ZNF488: variants seen among roughly 807,000 people sequenced by gnomAD.
ZNF488 encodes the protein zinc finger protein 488.
A neutral mutation model predicts 1.2 loss-of-function variants in ZNF488; 1 was observed. The ratio of observed to expected loss-of-function variants is 0.86; its 90% confidence interval spans 0.30 to 4.07. The LOEUF (loss-of-function observed/expected upper bound fraction) is 4.07, where lower values mean the gene tolerates loss of function less well. Ranked by LOEUF, ZNF488 falls within the 30% of genes most tolerant of loss-of-function variation. ZNF488 has a pLI of 0.18. For synonymous variants in ZNF488, 185 were observed against 190.1 expected, an observed-to-expected ratio of 0.97 and a Z score of 0.22; for missense variants, 450 against 437.9, an observed-to-expected ratio of 1.03 and a Z score of -0.25.
Position 47,368,331 on chromosome 10 carries a change from T to C in ZNF488, c.499A>G (p.Thr167Ala). The C allele has an allele frequency of 6.2e-7, 1 of 1,614,114 alleles. No individual in the cohort carries two copies. The highest frequency in any genetic ancestry group is 8.5e-7 in the Non-Finnish European group (1 of 1,180,006). The change falls in exon 2 of 2, where the codon ACC (threonine) becomes GCC (alanine). Residue 167 changes from threonine (T) to alanine (A), a missense_variant. Coordinates refer to ENST00000585316, the MANE Select transcript of ZNF488 (RefSeq NM_153034.4). ...SEQRSAFSKPTKRPAERPELT... is the reference protein window; with the variant it reads ...SEQRSAFSKPAKRPAERPELT... ...TCAGGCCTCTCTGCTGGTCGCTTGG[T>C]TGGTTTGCTAAAGGCGCTTCTTTGC...
At position 47,381,632 on chromosome 10, in the gene ZNF488, G is replaced by A. The variant is rs372759784; in HGVS notation, c.-109+2588C>T. On this transcript the variant is annotated intron_variant, in intron 1 of 1. Coordinates refer to ENST00000585316, the MANE Select transcript of ZNF488 (RefSeq NM_153034.4). ...TCTAGCAGCAATGCCTGCTGCATTCGAGGAAAGCCAAGTGCAGGAGACTGC... is the reference window on the plus strand; with the variant it reads ...TCTAGCAGCAATGCCTGCTGCATTCAAGGAAAGCCAAGTGCAGGAGACTGC... 5.3e-3 allele frequency among the ~76,000 whole-genome samples: 732 copies of A among 137,358 alleles called. 4 individuals are homozygous for A. Among genetic ancestry groups the A allele is most frequent in the African/African-American group, 0.017 (654 of 38,416 alleles). 90.1% of individuals were successfully genotyped at this position (137,358 alleles called of 152,430 possible).
At chr10:47,375,340 C>T (rs1837639398) in intron 1 of ZNF488, among the ~76,000 whole-genome samples, 1 of 152,222 alleles carries the variant, frequency 6.6e-6, no homozygotes. Flanking sequence ...GCTGCTCCAC[C>T]TGCCGGTGCG....
At chr10:47,371,462 A>G (rs1837462761) in intron 1 of ZNF488, among the ~76,000 whole-genome samples, 1 of 152,220 alleles carries the variant, frequency 6.6e-6, no homozygotes, top group African/African-American at 2.4e-5. Flanking sequence ...ACCATATAAC[A>G]TATAGTATAC....
intron 1 of ZNF488, among the ~76,000 whole-genome samples, chr10:47,373,506 G>A (rs1837555920): frequency 6.6e-6 from 1 of 152,126 alleles, no homozygotes; most frequent in South Asian, 2.1e-4. Flanking sequence ...TGAATACTGG[G>A]CAATCGTGAA....
Position 47,368,169 on chromosome 10 carries a change from G to A in ZNF488, c.661C>T (p.Gln221Ter), listed in dbSNP as rs781866799. 14 of 1,614,044 alleles carry A rather than the reference G, an allele frequency of 8.7e-6. No individual in the cohort carries two copies. In the African/African-American group the frequency reaches 1.7e-4, roughly 20 times the overall value. Residue 221 changes from glutamine to a stop codon, truncating the protein, a stop_gained, in exon 2 of 2, where the codon CAA (glutamine) becomes TAA (stop). Transcript: ENST00000585316. LOFTEE classifies it low-confidence loss of function (END_TRUNC). ...AGTGGAGCATTCTGTGGCAATGCTT[G>A]CAAGTTCCACAAATCACCAACCAAA... Reference protein sequence around the residue: ...KLLVGDLWNLQALPQNAPLCS... With the variant: ...KLLVGDLWNL
chr10:47,371,650 G>C (rs1010052373), intron 1 of ZNF488, among the ~76,000 whole-genome samples: 4 of 151,824 alleles, frequency 2.6e-5, no homozygotes, highest in Admixed American at 2.6e-4. Context: ...TTTTAAAGGC[G>C]GCAGTGCCCT....
At chr10:47,378,174 G>C (rs781815693) in intron 1 of ZNF488, among the ~76,000 whole-genome samples, 1 of 152,174 alleles carries the variant, frequency 6.6e-6, no homozygotes, top group East Asian at 1.9e-4. Flanking sequence ...CTGCTCCCCT[G>C]GCAGAGCTTC....
rs1199057879 is a variant in ZNF488 at position 47,382,876 on chromosome 10, G to A, written c.-109+1344C>T. ...TATCATGTTAACTTATTTCCAAGAA[G>A]TGAAAGCTTCAACCTTTATTGGTAA... is the stretch of plus-strand genomic sequence containing the variant. On this transcript the variant is annotated intron_variant, in intron 1 of 1. Coordinates refer to ENST00000585316, the MANE Select transcript of ZNF488 (RefSeq NM_153034.4). Among the ~76,000 whole-genome samples, 9 of 152,174 alleles carry A rather than the reference G, an allele frequency of 5.9e-5. No individual in the cohort carries two copies. The East Asian group carries it at 1.7e-3, about 29-fold the overall frequency.
At chr10:47,376,696 C>A (rs564712915) in intron 1 of ZNF488, among the ~76,000 whole-genome samples, 20 of 152,326 alleles carry the variant, frequency 1.3e-4, no homozygotes, top group African/African-American at 4.8e-4. Flanking sequence ...CCCAGCCTTC[C>A]AGACCACCAG....
At chr10:47,379,648 G>A (rs1206187306) in intron 1 of ZNF488, among the ~76,000 whole-genome samples, 3 of 152,262 alleles carry the variant, frequency 2.0e-5, no homozygotes, top group African/African-American at 4.8e-5. Flanking sequence ...AAAATGACGT[G>A]AGGCTGGCAT....
chr10:47,373,917 G>C (rs887450160), intron 1 of ZNF488, among the ~76,000 whole-genome samples: 2 of 152,202 alleles, frequency 1.3e-5, no homozygotes, highest in Non-Finnish European at 2.9e-5. Context: ...GCTCTTAGGT[G>C]CTCCATCCAC....
chr10:47,368,155 C>T lies in ZNF488; in HGVS notation c.675G>A (p.Gln225=). 1 of 1,614,166 alleles carries T rather than the reference C, an allele frequency of 6.2e-7. No homozygotes were observed. The highest frequency in any genetic ancestry group is 1.3e-5 in the African/African-American group (1 of 75,036). ...GDLWNLQALP[Q]NAPLCSTFLG... ...GAAAAGTGCTACAGAGTGGAGCATT[C>T]TGTGGCAATGCTTGCAAGTTCCACA... The change falls in exon 2 of 2, where the codon CAG becomes CAA. Residue 225 remains glutamine (Q), a synonymous_variant. Transcript: ENST00000585316.
intron 1 of ZNF488, among the ~76,000 whole-genome samples, chr10:47,380,160 C>T (rs1165577332): frequency 1.3e-5 from 2 of 152,286 alleles, no homozygotes; most frequent in African/African-American, 4.8e-5. Context: ...CACCCCCTGA[C>T]ACTCTTTACT....
intron 1 of ZNF488, among the ~76,000 whole-genome samples, chr10:47,377,977 A>C (rs1204456166): frequency 6.6e-6 from 1 of 152,094 alleles, no homozygotes; most frequent in East Asian, 1.9e-4. Flanking sequence ...CAGAAGGACA[A>C]AAGTTGGAGC....
chr10:47,368,414 G>A lies in ZNF488; in HGVS notation c.416C>T (p.Pro139Leu), dbSNP rs782318171. 1 of 1,614,154 alleles carries A rather than the reference G, an allele frequency of 6.2e-7. No homozygotes were observed. Among genetic ancestry groups the A allele is most frequent in the Non-Finnish European group, 8.5e-7 (1 of 1,180,036 alleles). ...PGAPQLTQNIPRGPAGSKVFS... is the reference protein window; with the variant it reads ...PGAPQLTQNILRGPAGSKVFS... The stretch of plus-strand genomic sequence containing the variant: ...GACTTTGCTGCCAGCTGGGCCTCTG[G>A]GGATGTTCTGGGTCAGCTGTGGGGC... Residue 139 changes from proline (P) to leucine (L), a missense_variant, in exon 2 of 2, where the codon CCC becomes CTC. By Grantham distance (98) the Pro-to-Leu change is moderately conservative (BLOSUM62 -3). Coordinates refer to ENST00000585316, the MANE Select transcript of ZNF488 (RefSeq NM_153034.4).
In ZNF488 at chr10:47,368,240, T is replaced by G. The variant is rs534357677; in HGVS notation, c.590A>C (p.Asn197Thr). 6.2e-7 allele frequency: 1 copy of G among 1,614,198 alleles called. No individual in the cohort carries two copies. Among genetic ancestry groups the G allele is most frequent in the East Asian group, 2.2e-5 (1 of 44,872 alleles). Reference sequence around the variant, plus strand: ...ACCCCAACAAGCGAGGTCTGTAGTGTTGAGGAGTCCAGACAGCTCCCCCAG... The same window carrying G: ...ACCCCAACAAGCGAGGTCTGTAGTGGTGAGGAGTCCAGACAGCTCCCCCAG... ...DALGELSGLL[N>T]TTDLACWGRL... The change falls in exon 2 of 2, where the codon AAC becomes ACC. Residue 197 changes from asparagine (N) to threonine (T), a missense_variant. Physicochemically the swap from Asn to Thr is moderately conservative, Grantham distance 65. Coordinates refer to ENST00000585316, the MANE Select transcript of ZNF488 (RefSeq NM_153034.4).
In ZNF488 at chr10:47,368,238, T is replaced by C. The variant is rs146644592; in HGVS notation, c.592A>G (p.Thr198Ala). Residue 198 changes from threonine (T) to alanine (A), a missense_variant, in exon 2 of 2, where the codon ACT becomes GCT. Thr to Ala is a moderately conservative substitution (Grantham distance 58). Transcript: ENST00000585316. ...CGACCCCAACAAGCGAGGTCTGTAGTGTTGAGGAGTCCAGACAGCTCCCCC... is the reference window on the plus strand; with the variant it reads ...CGACCCCAACAAGCGAGGTCTGTAGCGTTGAGGAGTCCAGACAGCTCCCCC... ...ALGELSGLLN[T>A]TDLACWGRLS... is the part of the protein sequence containing the mutation. 3.7e-6 allele frequency: 6 copies of C among 1,614,132 alleles called. No homozygotes were observed. The highest frequency in any genetic ancestry group is 5.1e-6 in the Non-Finnish European group (6 of 1,180,006).
Position 47,368,715 on chromosome 10 carries a change from GT to G in ZNF488, c.114del (p.Glu38AspfsTer41). ...GGCTTGCAGCCCCGGCCCAGCTCAG[GT>G]TCGCTAAGTCGCCATCTGTTTTCAG... ...PSAENRWRLS[E>X]PELGRGCKPV... On this transcript the variant is annotated frameshift_variant, in exon 2 of 2. Coordinates refer to ENST00000585316, the MANE Select transcript of ZNF488 (RefSeq NM_153034.4). LOFTEE classifies it low-confidence loss of function (END_TRUNC). 6.2e-7 allele frequency: 1 copy of G among 1,613,122 alleles called. No homozygotes were observed. The highest frequency in any genetic ancestry group is 8.5e-7 in the Non-Finnish European group (1 of 1,180,050).
intron 1 of ZNF488, among the ~76,000 whole-genome samples, chr10:47,383,343 G>C (rs898359619): frequency 3.7e-4 from 57 of 152,104 alleles, no homozygotes; most frequent in African/African-American, 1.3e-3. Context: ...TTATTTCCAG[G>C]CTCCCTCAAA....
Sources: allele counts gnomAD v4.1 joint callset (sites outside exome capture counted in the v4.1 genomes callset), GRCh38; gene constraint gnomAD v4.1.1; transcripts MANE v1.5; gene names NCBI Gene and HGNC (gene_info 2026-07-23, HGNC 2026-07-21).